LEKR1: variants seen among roughly 807,000 people sequenced by gnomAD.
The protein encoded by LEKR1 is leucine, glutamate and lysine rich 1.
LEKR1 carries 59 observed loss-of-function variants against 72.4 expected under a neutral mutation model. The ratio of observed to expected loss-of-function variants is 0.82; its 90% CI spans 0.66 to 1.01. LEKR1 has a LOEUF of 1.01. Among genes scored for constraint, LEKR1 ranks in the 50% least tolerant of loss-of-function variants. LEKR1 has a pLI of 0.00. For synonymous variants in LEKR1, 257 were observed against 263.2 expected, an observed-to-expected ratio of 0.98 and a Z score of 0.23; for missense variants, 728 against 759.2, an observed-to-expected ratio of 0.96 and a Z score of 0.48.
intron 12 of LEKR1, among the ~76,000 whole-genome samples, chr3:157,032,811 GT>G (rs34846016): frequency 1.3e-5 from 2 of 151,270 alleles, no homozygotes; most frequent in Non-Finnish European, 3.0e-5. Context: ...AGATACTGTG[GT>G]TTTTTTTTCC....
At chr3:156,883,347 G>A (rs995576366) in intron 3 of LEKR1, among the ~76,000 whole-genome samples, 9 of 152,206 alleles carry the variant, frequency 5.9e-5, no homozygotes, top group Non-Finnish European at 8.8e-5. Context: ...TTCATAGGCA[G>A]AAGGGACTTA....
At chr3:156,905,950 A>C (rs999497983) in intron 3 of LEKR1, among the ~76,000 whole-genome samples, 6 of 152,160 alleles carry the variant, frequency 3.9e-5, no homozygotes, top group African/African-American at 1.4e-4. Context: ...AGTAGGATGT[A>C]ATCCTGAAAA....
chr3:156,837,447 C>T (rs1713297207), intron 2 of LEKR1, among the ~76,000 whole-genome samples: 1 of 152,190 alleles, frequency 6.6e-6, no homozygotes, highest in Non-Finnish European at 1.5e-5. Flanking sequence ...CAGAGTCAAG[C>T]TCCCAAGGAC....
At chr3:156,866,487 G>A (rs560241062) in intron 3 of LEKR1, among the ~76,000 whole-genome samples, 4 of 152,090 alleles carry the variant, frequency 2.6e-5, no homozygotes, top group South Asian at 2.1e-4. Context: ...ATTCTTAGTC[G>A]TTGATGATAT....
At chr3:156,929,727 A>T (rs983534764) in intron 5 of LEKR1, among the ~76,000 whole-genome samples, 1 of 152,134 alleles carries the variant, frequency 6.6e-6, no homozygotes, top group Admixed American at 6.6e-5. Context: ...TCCCATAAAG[A>T]CAGGACTACA....
chr3:156,992,845 A>G (rs907331358), intron 8 of LEKR1, 115 bp downstream of exon 8: 1 of 332,078 alleles, frequency 3.0e-6, no homozygotes, highest in Non-Finnish European at 5.3e-6. Flanking sequence ...TTGTTTACAT[A>G]TAAAATACCT....
intron 11 of LEKR1, among the ~76,000 whole-genome samples, chr3:157,026,282 T>C (rs1272509896): frequency 1.3e-5 from 2 of 152,214 alleles, no homozygotes; most frequent in East Asian, 3.9e-4. Context: ...CAGCCCTGGG[T>C]GGTTCAGGAT....
chr3:156,968,351 A>G (rs1378023156), intron 6 of LEKR1, among the ~76,000 whole-genome samples: 6 of 152,178 alleles, frequency 3.9e-5, no homozygotes, highest in Admixed American at 3.9e-4. Flanking sequence ...AAGAGTCAAG[A>G]CCCATCAGTG....
chr3:156,981,693 G>A lies in LEKR1; in HGVS notation c.827+2418G>A, dbSNP rs528549931. Among the ~76,000 whole-genome samples the A allele has an allele frequency of 4.2e-4, 64 of 152,282 alleles. 1 individual carries two copies. In the South Asian group the frequency reaches 0.013, roughly 31 times the overall value. ...TATGGGCATTTAGGATCAAAGCCTG[G>A]GACTGCTTAAAGCCTCAGGTTGCTC... On this transcript the variant is annotated intron_variant, in intron 7 of 12. Transcript: ENST00000356539.
intron 6 of LEKR1, among the ~76,000 whole-genome samples, chr3:156,956,231 T>C (rs1727621779): frequency 6.6e-6 from 1 of 151,948 alleles, no homozygotes; most frequent in South Asian, 2.1e-4. Flanking sequence ...CCTAAGACAT[T>C]GGACACCTAC....
chr3:156,897,118 A>G (rs1375041481), intron 3 of LEKR1, among the ~76,000 whole-genome samples: 1 of 152,198 alleles, frequency 6.6e-6, no homozygotes, highest in African/African-American at 2.4e-5. Context: ...TACCTGGTTG[A>G]TGAAATAGTT....
intron 3 of LEKR1, among the ~76,000 whole-genome samples, chr3:156,899,244 A>G (rs1721523028): frequency 2.4e-5 from 1 of 42,474 alleles, no homozygotes; most frequent in South Asian, 1.0e-3. Context: ...GTCTATATAC[A>G]TATATATACA....
intron 3 of LEKR1, among the ~76,000 whole-genome samples, chr3:156,912,745 C>T (rs1056311813): frequency 9.2e-5 from 14 of 152,186 alleles, no homozygotes; most frequent in African/African-American, 3.4e-4. Context: ...TAGAATCAGG[C>T]GTGGCTTCCC....
intron 7 of LEKR1, among the ~76,000 whole-genome samples, chr3:156,991,256 G>T (rs1458388746): frequency 1.3e-5 from 2 of 151,766 alleles, no homozygotes; most frequent in Non-Finnish European, 2.9e-5. Context: ...AGCTGGTAAG[G>T]TTTTATTTTT....
intron 2 of LEKR1, among the ~76,000 whole-genome samples, chr3:156,839,023 GA>G (rs895659456): frequency 2.6e-4 from 39 of 150,616 alleles, no homozygotes; most frequent in Non-Finnish European, 2.8e-4. Context: ...CCCTATTCTG[GA>G]AAAAAAAAGG....
chr3:157,004,146 G>T (rs1282914379), intron 9 of LEKR1, among the ~76,000 whole-genome samples: 3 of 152,008 alleles, frequency 2.0e-5, no homozygotes, highest in Non-Finnish European at 4.4e-5. Flanking sequence ...AATGGGAAAA[G>T]ACATAACACA....
chr3:156,858,498 C>A (rs559934445), intron 3 of LEKR1, among the ~76,000 whole-genome samples: 1 of 151,862 alleles, frequency 6.6e-6, no homozygotes, highest in Non-Finnish European at 1.5e-5. Flanking sequence ...CATGGTGAAA[C>A]CCCGTTCTCT....
At chr3:156,925,986 A>G (rs986976638) in intron 4 of LEKR1, among the ~76,000 whole-genome samples, 1 of 152,110 alleles carries the variant, frequency 6.6e-6, no homozygotes, top group Admixed American at 6.6e-5. Context: ...AAATTAGGCA[A>G]TAGAAATTAT....
chr3:156,918,358 A>G (rs902784044), intron 3 of LEKR1, among the ~76,000 whole-genome samples: 3 of 152,176 alleles, frequency 2.0e-5, no homozygotes, highest in Admixed American at 6.5e-5. Flanking sequence ...AAGTATGGCC[A>G]TGTATCTAAG....
Sources: gnomAD v4.1 joint callset for allele counts (sites outside exome capture counted in the v4.1 genomes callset) on GRCh38, gnomAD v4.1.1 for gene constraint, MANE v1.5 for transcripts, NCBI Gene and HGNC (gene_info 2026-07-23, HGNC 2026-07-21) for gene names.